Variants in DEFB116 observed in about 807,000 individuals in gnomAD.
DEFB116 encodes beta-defensin 116.
In DEFB116, 5 loss-of-function variants were observed where a neutral mutation model predicts 2.8. That is an observed-to-expected ratio of 1.80 (90% CI 0.94 to 3.79). The LOEUF is 3.79. Among genes scored for constraint, DEFB116 ranks in the 30% most tolerant of loss-of-function variants. The probability of loss-of-function intolerance (pLI) is 0.00; values close to 1 mark genes in which losing one functional copy is unlikely to be tolerated. For missense variants in DEFB116, 170 were observed against 118.0 expected, an observed-to-expected ratio of 1.44 and a Z score of -2.04; for synonymous variants, 56 against 40.8, an observed-to-expected ratio of 1.37 and a Z score of -1.42.
chr20:31,303,238 T>C lies in DEFB116; in HGVS notation c.283A>G (p.Asn95Asp), dbSNP rs1984922321. ...YDSNSNLSVT[N>D]SSSYSHI ...CAAATGTGAGAGTAGCTTGAACTGT[T>C]TGTAACTGACAAGTTGGAGTTAGAG... Residue 95 changes from asparagine to aspartate, a missense_variant, in exon 2 of 2, where the codon AAC becomes GAC. Asn to Asp is a conservative substitution (Grantham distance 23). Coordinates refer to ENST00000400549, the MANE Select transcript of DEFB116 (RefSeq NM_001037731.1). The C allele has an allele frequency of 6.2e-7, 1 of 1,613,476 alleles. No individual in the cohort carries two copies. The highest frequency in any genetic ancestry group is 1.3e-5 in the African/African-American group (1 of 75,002).
At chr20:31,304,480 A>T (rs1984949366) in intron 1 of DEFB116, among the ~76,000 whole-genome samples, 1 of 152,138 alleles carries the variant, frequency 6.6e-6, no homozygotes, top group African/African-American at 2.4e-5. Context: ...AGATGAAGAC[A>T]CTGAGGCTCA....
At chr20:31,306,698 CAG>C (rs1048801801) in intron 1 of DEFB116, among the ~76,000 whole-genome samples, 2 of 152,122 alleles carry the variant, frequency 1.3e-5, no homozygotes, top group African/African-American at 2.4e-5. Flanking sequence ...AGAAGAAAAA[CAG>C]AGAAGAAAGA....
rs531243939 is a variant in DEFB116 at position 31,308,563 on chromosome 20, A to G, written c.23T>C (p.Leu8Ser). 6.8e-6 allele frequency: 11 copies of G among 1,613,596 alleles called. No homozygotes were observed. The highest frequency in any genetic ancestry group is 1.7e-4 in the Middle Eastern group (1 of 6,054). Residue 8 changes from leucine to serine, a missense_variant, in exon 1 of 2, where the codon TTA becomes TCA. Leu to Ser is a moderately radical substitution (Grantham distance 145). Coordinates refer to ENST00000400549, the MANE Select transcript of DEFB116 (RefSeq NM_001037731.1). MSVMKPC[L>S]MTIAILMILA... ...GATCATAAGGATGGCAATGGTCATT[A>G]AACAGGGCTTCATGACTGACATGTT... is the stretch of plus-strand genomic sequence containing the variant.
chr20:31,308,476 C>A, intron 1 of DEFB116, 43 bp downstream of exon 1: 1 of 1,601,976 alleles, frequency 6.2e-7, no homozygotes, highest in Non-Finnish European at 8.6e-7. Flanking sequence ...GATACCAGTA[C>A]CACATGCAAG....
At position 31,303,390 on chromosome 20, in the gene DEFB116, T is replaced by C. The variant is rs546891925; in HGVS notation, c.131A>G (p.Gln44Arg). ...REPWNPCELYQGMCRNACREY... is the reference protein window; with the variant it reads ...REPWNPCELYRGMCRNACREY... ...TCTGCAGGCGTTTCTGCACATGCCTTGGTAAAGCTCACATGGATTCCAAGG... is the reference window on the plus strand; with the variant it reads ...TCTGCAGGCGTTTCTGCACATGCCTCGGTAAAGCTCACATGGATTCCAAGG... The change falls in exon 2 of 2, where the codon CAA (glutamine) becomes CGA (arginine). Residue 44 changes from glutamine to arginine, a missense_variant. Transcript: ENST00000400549. 546 of 1,613,600 alleles carry C rather than the reference T, an allele frequency of 3.4e-4. 5 individuals are homozygous for C. In the South Asian group the frequency reaches 5.7e-3, roughly 17 times the overall value.
At chr20:31,303,872 C>A (rs1343947488) in intron 1 of DEFB116, among the ~76,000 whole-genome samples, 1 of 152,056 alleles carries the variant, frequency 6.6e-6, no homozygotes, top group African/African-American at 2.4e-5. Context: ...AGATCTGTGA[C>A]CCTCACACAC....
intron 1 of DEFB116, among the ~76,000 whole-genome samples, chr20:31,305,841 A>T (rs1453428679): frequency 6.6e-6 from 1 of 152,072 alleles, no homozygotes; most frequent in Non-Finnish European, 1.5e-5. Flanking sequence ...ACGTATATTC[A>T]TACTAAGTCT....
rs1984930911 is a variant in DEFB116, at chr20:31,303,517, T to C, written c.68-64A>G. The C allele has an allele frequency of 3.8e-6, 6 of 1,587,612 alleles. No homozygotes were observed. In the East Asian group the frequency reaches 1.3e-4, roughly 36 times the overall value. ...GTGATAATAGGGTGATGAAGCATGA[T>C]TTAAAGGAACACGCCCTAAGACTAT... is the stretch of plus-strand genomic sequence containing the variant. On this transcript the variant is annotated intron_variant, in intron 1 of 1. Transcript: ENST00000400549.
At chr20:31,307,552 A>G (rs545408540) in intron 1 of DEFB116, among the ~76,000 whole-genome samples, 1 of 152,254 alleles carries the variant, frequency 6.6e-6, no homozygotes, top group South Asian at 2.1e-4. Flanking sequence ...CAACAAAAGC[A>G]AAAATAAACA....
chr20:31,305,561 G>GC (rs1002419088), intron 1 of DEFB116, among the ~76,000 whole-genome samples: 3 of 152,046 alleles, frequency 2.0e-5, no homozygotes, highest in Non-Finnish European at 4.4e-5. Flanking sequence ...AGATTGCCCT[G>GC]CATTGCCCCA....
Position 31,308,505 on chromosome 20 carries a change from G to C in DEFB116, c.67+14C>G. The C allele has an allele frequency of 6.2e-7, 1 of 1,613,304 alleles. No individual in the cohort carries two copies. On this transcript the variant is annotated intron_variant, in intron 1 of 1. Coordinates refer to ENST00000400549, the MANE Select transcript of DEFB116 (RefSeq NM_001037731.1). ...ATGCAAGACGCCAGAACCTTTGAGA[G>C]AGGCCTGAGTTACCTGGAGTCTTTT...
chr20:31,305,825 A>C (rs1401489732), intron 1 of DEFB116, among the ~76,000 whole-genome samples: 2 of 152,032 alleles, frequency 1.3e-5, no homozygotes, highest in East Asian at 3.9e-4. Flanking sequence ...AACCTGGCAT[A>C]TTTTTACGTA....
At chr20:31,307,779 C>T (rs1450644967) in intron 1 of DEFB116, among the ~76,000 whole-genome samples, 1 of 152,026 alleles carries the variant, frequency 6.6e-6, no homozygotes, top group Non-Finnish European at 1.5e-5. Flanking sequence ...TCAATCCCTG[C>T]CCAGATAAAC....
In DEFB116 at chr20:31,308,573, T is replaced by G; in HGVS notation, c.13A>C (p.Lys5Gln). The G allele has an allele frequency of 6.2e-7, 1 of 1,613,480 alleles. No homozygotes were observed. Among genetic ancestry groups the G allele is most frequent in the Non-Finnish European group, 8.5e-7 (1 of 1,179,506 alleles). Residue 5 changes from lysine (K) to glutamine (Q), a missense_variant, in exon 1 of 2, where the codon AAG becomes CAG. Lys to Gln is a moderately conservative substitution (Grantham distance 53). Coordinates refer to ENST00000400549, the MANE Select transcript of DEFB116 (RefSeq NM_001037731.1). MSVM[K>Q]PCLMTIAILM... Reference sequence around the variant, plus strand: ...ATGGCAATGGTCATTAAACAGGGCTTCATGACTGACATGTTCCACCAGAAT... The same window carrying G: ...ATGGCAATGGTCATTAAACAGGGCTGCATGACTGACATGTTCCACCAGAAT...
At chr20:31,303,564 C>G in intron 1 of DEFB116, 111 bp from the exon 2 acceptor site, 1 of 1,430,810 alleles carries the variant, frequency 7.0e-7, no homozygotes, top group South Asian at 1.4e-5. Context: ...GATCTGGAAT[C>G]AAAACTACCT....
chr20:31,304,593 G>A (rs1984951259), intron 1 of DEFB116, among the ~76,000 whole-genome samples: 1 of 152,002 alleles, frequency 6.6e-6, no homozygotes, highest in Admixed American at 6.6e-5. Context: ...TTTTCTCTCT[G>A]TGTCACATTG....
Position 31,304,530 on chromosome 20 carries a change from C to T in DEFB116, c.68-1077G>A, listed in dbSNP as rs150139135. Among the ~76,000 whole-genome samples, 529 of 152,192 alleles carry T rather than the reference C, an allele frequency of 3.5e-3. 3 individuals are homozygous for T. Among genetic ancestry groups the T allele is most frequent in the African/African-American group, 0.012 (504 of 41,544 alleles). ...TTTGTCTGCATTCTCATAGCTTATA[C>T]TTGATCAAGCCAGTATTCAATTTCT... On this transcript the variant is annotated intron_variant, in intron 1 of 1. Coordinates refer to ENST00000400549, the MANE Select transcript of DEFB116 (RefSeq NM_001037731.1).
Position 31,303,416 on chromosome 20 carries a change from C to T in DEFB116, c.105G>A (p.Glu35=), listed in dbSNP as rs775840453. 3.1e-6 allele frequency: 5 copies of T among 1,613,468 alleles called. No individual in the cohort carries two copies. The highest frequency in any genetic ancestry group is 1.1e-5 in the South Asian group (1 of 91,076). ...LFRSHNGKSR[E]PWNPCELYQG... ...GGTAAAGCTCACATGGATTCCAAGG[C>T]TCTCGGCTCTTGCCATTGTGGGATC... Residue 35 remains glutamate, a synonymous_variant, in exon 2 of 2, where the codon GAG becomes GAA. Coordinates refer to ENST00000400549, the MANE Select transcript of DEFB116 (RefSeq NM_001037731.1).
intron 1 of DEFB116, among the ~76,000 whole-genome samples, chr20:31,304,371 C>T (rs1417150736): frequency 1.3e-5 from 2 of 152,072 alleles, no homozygotes; most frequent in Non-Finnish European, 1.5e-5. Flanking sequence ...ACAATCACTA[C>T]CATGTACTGT....
Sources: allele counts gnomAD v4.1 joint callset (sites outside exome capture counted in the v4.1 genomes callset), GRCh38; gene constraint gnomAD v4.1.1; transcripts MANE v1.5; gene names NCBI Gene and HGNC (gene_info 2026-07-23, HGNC 2026-07-21).